Variants in ATG10 observed in about 807,000 individuals in gnomAD.
ATG10 encodes ubiquitin-like-conjugating enzyme ATG10.
In ATG10, 30 loss-of-function variants were observed where a neutral mutation model predicts 32.1. The ratio of observed to expected loss-of-function variants is 0.94; its 90% CI spans 0.70 to 1.27. The LOEUF is 1.27. Ranked by LOEUF, ATG10 falls within the 50% of genes most tolerant of loss-of-function variation. The pLI, the probability that ATG10 is intolerant of heterozygous loss-of-function variation, is 0.00. For missense variants in ATG10, 233 were observed against 262.3 expected, an observed-to-expected ratio of 0.89 and a Z score of 0.77; for synonymous variants, 87 against 91.5, an observed-to-expected ratio of 0.95 and a Z score of 0.28.
intron 2 of ATG10, among the ~76,000 whole-genome samples, chr5:82,017,699 A>G (rs996890148): frequency 6.6e-6 from 1 of 152,162 alleles, no homozygotes; most frequent in Non-Finnish European, 1.5e-5. Context: ...TTATGGAATG[A>G]TCCATTGGGT....
intron 1 of ATG10, among the ~76,000 whole-genome samples, chr5:81,979,010 C>T (rs917681404): frequency 1.3e-5 from 2 of 152,060 alleles, no homozygotes; most frequent in Non-Finnish European, 2.9e-5. Flanking sequence ...AGTGATTCTC[C>T]TGCCTCAGCC....
chr5:82,234,230 G>A (rs1352986181), intron 5 of ATG10, among the ~76,000 whole-genome samples: 4 of 152,032 alleles, frequency 2.6e-5, no homozygotes, highest in Admixed American at 2.6e-4. Context: ...GATGGGGGAG[G>A]GTAAAGAGCT....
chr5:82,252,031 C>T lies in ATG10; in HGVS notation c.454-531C>T, dbSNP rs879414130. Among the ~76,000 whole-genome samples, 7 of 152,174 alleles carry T rather than the reference C, an allele frequency of 4.6e-5. No homozygotes were observed. In the South Asian group the frequency reaches 6.2e-4, roughly 14 times the overall value. ...AGTAGAACAATTTAAATAGTGCAGG[C>T]CATCTCCTCCCATCCCTGGTTCTAC... On this transcript the variant is annotated intron_variant, in intron 5 of 7. Transcript: ENST00000282185.
chr5:82,164,580 C>T (rs1182649978), intron 4 of ATG10, 43 bp downstream of exon 4: 1 of 1,515,598 alleles, frequency 6.6e-7, no homozygotes, highest in South Asian at 1.2e-5. Flanking sequence ...ATAACATTTA[C>T]ATATAAAGCA....
At chr5:82,120,567 G>A (rs1293887803) in intron 3 of ATG10, among the ~76,000 whole-genome samples, 2 of 152,172 alleles carry the variant, frequency 1.3e-5, no homozygotes, top group East Asian at 3.8e-4. Context: ...GTGGAATTGA[G>A]CTAATAGCTT....
intron 3 of ATG10, among the ~76,000 whole-genome samples, chr5:82,164,186 C>T (rs1743482930): frequency 6.6e-6 from 1 of 152,074 alleles, no homozygotes; most frequent in Non-Finnish European, 1.5e-5. Flanking sequence ...CAAAAACAAT[C>T]TGGAATTACT....
At chr5:82,240,980 T>C (rs186161445) in intron 5 of ATG10, among the ~76,000 whole-genome samples, 1 of 152,328 alleles carries the variant, frequency 6.6e-6, no homozygotes, top group Non-Finnish European at 1.5e-5. Context: ...TGTTTATTCA[T>C]TGTGATATAA....
chr5:82,127,070 G>A (rs747962428), intron 3 of ATG10, among the ~76,000 whole-genome samples: 1 of 152,198 alleles, frequency 6.6e-6, no homozygotes, highest in Non-Finnish European at 1.5e-5. Context: ...TATTTGCATA[G>A]AGGTGTTTAT....
chr5:82,167,530 G>A (rs1045212812), intron 4 of ATG10, among the ~76,000 whole-genome samples: 1 of 152,180 alleles, frequency 6.6e-6, no homozygotes, highest in Non-Finnish European at 1.5e-5. Context: ...GCTATGCCAG[G>A]TTTTGAAAGA....
chr5:82,020,688 G>T (rs1324381539), intron 2 of ATG10, among the ~76,000 whole-genome samples: 2 of 152,158 alleles, frequency 1.3e-5, no homozygotes, highest in African/African-American at 4.8e-5. Flanking sequence ...TGGCAGGCCA[G>T]CCTGAGCTTG....
intron 3 of ATG10, among the ~76,000 whole-genome samples, chr5:82,108,036 T>G (rs1167999641): frequency 1.3e-5 from 2 of 151,386 alleles, no homozygotes; most frequent in Non-Finnish European, 3.0e-5. Context: ...GGAGGTGAGG[T>G]CAGAATGCTA....
At position 82,162,916 on chromosome 5, in the gene ATG10, C is replaced by T. The variant is rs145030930; in HGVS notation, c.217-1483C>T. On this transcript the variant is annotated intron_variant, in intron 3 of 7. Transcript: ENST00000282185. ...AAAATCAAAAAGTCTAAAAAAAATA[C>T]ACTCTGGCCTGTTAACGATGGTTAC... Among the ~76,000 whole-genome samples the T allele has an allele frequency of 1.6e-3, 238 of 152,012 alleles. 2 individuals are homozygous for T. Among genetic ancestry groups the T allele is most frequent in the African/African-American group, 5.4e-3 (222 of 41,488 alleles).
chr5:82,081,361 G>A (rs1043516868), intron 3 of ATG10, among the ~76,000 whole-genome samples: 1 of 152,084 alleles, frequency 6.6e-6, no homozygotes, highest in Non-Finnish European at 1.5e-5. Context: ...TCTTTCTCTT[G>A]CCTGATTGCC....
At chr5:82,048,812 G>A (rs1394605995) in intron 2 of ATG10, among the ~76,000 whole-genome samples, 1 of 152,128 alleles carries the variant, frequency 6.6e-6, no homozygotes, top group African/African-American at 2.4e-5. Context: ...CACCATCACT[G>A]GCCATCAGAG....
At chr5:82,011,809 G>A (rs1220774767) in intron 2 of ATG10, among the ~76,000 whole-genome samples, 1 of 152,204 alleles carries the variant, frequency 6.6e-6, no homozygotes, top group African/African-American at 2.4e-5. Context: ...CAGCCAGGAT[G>A]TGTGGACAGC....
At chr5:82,094,668 A>G (rs1451990358) in intron 3 of ATG10, among the ~76,000 whole-genome samples, 3 of 152,118 alleles carry the variant, frequency 2.0e-5, no homozygotes, top group Non-Finnish European at 4.4e-5. Context: ...CCAGGAAATA[A>G]CTTGAATGTC....
chr5:81,975,709 CAGGA>C (rs753770829), intron 1 of ATG10, among the ~76,000 whole-genome samples: 2 of 151,782 alleles, frequency 1.3e-5, no homozygotes, highest in Non-Finnish European at 2.9e-5. Flanking sequence ...TCAGACCTCT[CAGGA>C]TGATTTGGGG....
At chr5:82,056,795 C>A (rs1763617292) in intron 2 of ATG10, among the ~76,000 whole-genome samples, 1 of 152,292 alleles carries the variant, frequency 6.6e-6, no homozygotes, top group Non-Finnish European at 1.5e-5. Flanking sequence ...CTTAGAGGAG[C>A]AATGACTACT....
chr5:82,115,036 C>A (rs895491476), intron 3 of ATG10, among the ~76,000 whole-genome samples: 1 of 151,962 alleles, frequency 6.6e-6, no homozygotes, highest in African/African-American at 2.4e-5. Context: ...TCATGTGTGA[C>A]TAGTGGCTAT....
Sources: gnomAD v4.1 joint callset for allele counts (sites outside exome capture counted in the v4.1 genomes callset) on GRCh38, gnomAD v4.1.1 for gene constraint, MANE v1.5 for transcripts, NCBI Gene and HGNC (gene_info 2026-07-23, HGNC 2026-07-21) for gene names.